KCNJ6: variants seen among roughly 807,000 people sequenced by gnomAD.
KCNJ6 encodes the protein G protein-activated inward rectifier potassium channel 2.
Under a neutral mutation model 34.2 loss-of-function variants are expected in KCNJ6, and 9 were observed. That is an observed-to-expected ratio of 0.26 (90% CI 0.16 to 0.46). The LOEUF (loss-of-function observed/expected upper bound fraction) is 0.46, where lower values mean the gene tolerates loss of function less well. Among genes scored for constraint, KCNJ6 ranks in the 20% least tolerant of loss-of-function variants. KCNJ6 has a pLI of 1.00. For missense variants in KCNJ6, 236 were observed against 531.3 expected, an observed-to-expected ratio of 0.44 and a Z score of 5.46; for synonymous variants, 196 against 207.1, an observed-to-expected ratio of 0.95 and a Z score of 0.46.
At chr21:37,709,691 C>T (rs2054741077) in intron 3 of KCNJ6, among the ~76,000 whole-genome samples, 3 of 152,178 alleles carry the variant, frequency 2.0e-5, no homozygotes, top group Non-Finnish European at 4.4e-5. Flanking sequence ...GCTATTTGAC[C>T]TTAGCCAAGT....
At chr21:37,911,042 AATG>A (rs551416179) in intron 1 of KCNJ6, among the ~76,000 whole-genome samples, 3 of 151,746 alleles carry the variant, frequency 2.0e-5, no homozygotes, top group African/African-American at 7.3e-5. Flanking sequence ...CTCTTCTTTT[AATG>A]ATGAGACCGC....
intron 3 of KCNJ6, among the ~76,000 whole-genome samples, chr21:37,672,968 A>G (rs889015102): frequency 6.6e-6 from 1 of 152,244 alleles, no homozygotes; most frequent in Non-Finnish European, 1.5e-5. Context: ...TTGTAGAGAC[A>G]GAGTCTTGCT....
chr21:37,809,049 C>G (rs1378201751), intron 2 of KCNJ6, among the ~76,000 whole-genome samples: 1 of 152,220 alleles, frequency 6.6e-6, no homozygotes, highest in African/African-American at 2.4e-5. Flanking sequence ...GATTATACAT[C>G]ATGCTGCTAT....
At chr21:37,827,014 G>A (rs1300009458) in intron 2 of KCNJ6, among the ~76,000 whole-genome samples, 2 of 152,148 alleles carry the variant, frequency 1.3e-5, no homozygotes, top group East Asian at 3.9e-4. Context: ...AATAATTTTG[G>A]GAAGGAGATT....
chr21:37,700,272 C>A (rs139395620), intron 3 of KCNJ6, among the ~76,000 whole-genome samples: 1 of 152,048 alleles, frequency 6.6e-6, no homozygotes, highest in Non-Finnish European at 1.5e-5. Flanking sequence ...GATTTGTGGG[C>A]AGGAGTTATT....
At chr21:37,702,517 C>T (rs2054696838) in intron 3 of KCNJ6, among the ~76,000 whole-genome samples, 1 of 152,170 alleles carries the variant, frequency 6.6e-6, no homozygotes, top group Admixed American at 6.5e-5. Context: ...GCCGAACAGC[C>T]TCTAGAGGAC....
chr21:37,683,045 T>G (rs1200530617), intron 3 of KCNJ6, among the ~76,000 whole-genome samples: 1 of 152,246 alleles, frequency 6.6e-6, no homozygotes, highest in African/African-American at 2.4e-5. Flanking sequence ...AAATCCAGCT[T>G]GCTTCCATAC....
intron 3 of KCNJ6, among the ~76,000 whole-genome samples, chr21:37,662,231 G>A (rs540674972): frequency 6.6e-6 from 1 of 152,126 alleles, no homozygotes; most frequent in Non-Finnish European, 1.5e-5. Flanking sequence ...AGCATTAACT[G>A]TTTTTCTTGA....
chr21:37,610,318 A>G lies in KCNJ6; in HGVS notation c.*14841T>C, dbSNP rs2054238398. On this transcript the variant is annotated 3_prime_UTR_variant, in exon 4 of 4. Transcript: ENST00000609713. ...TTGCATGGAATGTTCATCAAGTTAG[A>G]CTGCATTCTGGGTCATAAAACATAC... is the stretch of plus-strand genomic sequence containing the variant. 1.3e-5 allele frequency: 2 copies of G among 152,214 alleles called. No individual in the cohort carries two copies. The highest frequency in any genetic ancestry group is 4.1e-4 in the South Asian group (2 of 4,826). The allele number at this position is 152,214 out of a possible 1,614,324, so 9.4% of individuals were successfully genotyped here. A position where few individuals can be genotyped will look rare whatever the true frequency, so the allele number is the denominator to read the frequency against.
intron 2 of KCNJ6, among the ~76,000 whole-genome samples, chr21:37,728,172 G>A (rs1465610276): frequency 2.0e-5 from 3 of 152,226 alleles, no homozygotes; most frequent in Non-Finnish European, 4.4e-5. Flanking sequence ...TGAAGCTTGA[G>A]GACATTATGC....
chr21:37,862,829 T>A (rs1425604174), intron 1 of KCNJ6, among the ~76,000 whole-genome samples: 1 of 152,212 alleles, frequency 6.6e-6, no homozygotes, highest in African/African-American at 2.4e-5. Flanking sequence ...TCTTGACTGA[T>A]GTGTGACATC....
At chr21:37,871,129 T>C (rs1269298888) in intron 1 of KCNJ6, among the ~76,000 whole-genome samples, 1 of 152,128 alleles carries the variant, frequency 6.6e-6, no homozygotes, top group Non-Finnish European at 1.5e-5. Flanking sequence ...GAGCTTAGTA[T>C]GGATGGAGGG....
At chr21:37,900,661 G>A (rs570047888) in intron 1 of KCNJ6, among the ~76,000 whole-genome samples, 48 of 152,290 alleles carry the variant, frequency 3.2e-4, no homozygotes, top group African/African-American at 1.1e-3. Context: ...GGCAATTCTG[G>A]GTGGATTTGA....
intron 1 of KCNJ6, among the ~76,000 whole-genome samples, chr21:37,859,848 T>C (rs2055586085): frequency 6.6e-6 from 1 of 152,216 alleles, no homozygotes; most frequent in African/African-American, 2.4e-5. Flanking sequence ...CTACCACTGA[T>C]ACTTTTGTCT....
At chr21:37,726,704 T>G (rs1228194514) in intron 2 of KCNJ6, among the ~76,000 whole-genome samples, 3 of 152,238 alleles carry the variant, frequency 2.0e-5, no homozygotes, top group African/African-American at 7.2e-5. Flanking sequence ...TCTCTTTTAA[T>G]TCTTCTATTT....
chr21:37,849,759 A>T (rs1450281409), intron 1 of KCNJ6, among the ~76,000 whole-genome samples: 3 of 152,188 alleles, frequency 2.0e-5, no homozygotes, highest in African/African-American at 4.8e-5. Flanking sequence ...CTGAGTGCCC[A>T]TCCCCTCTGC....
chr21:37,871,369 A>G (rs1361567653), intron 1 of KCNJ6, among the ~76,000 whole-genome samples: 1 of 152,174 alleles, frequency 6.6e-6, no homozygotes, highest in African/African-American at 2.4e-5. Context: ...CAAAACCTGG[A>G]CTTCGTGTTC....
At chr21:37,756,718 C>T (rs2055028554) in intron 2 of KCNJ6, among the ~76,000 whole-genome samples, 1 of 131,468 alleles carries the variant, frequency 7.6e-6, no homozygotes, top group Non-Finnish European at 1.6e-5. Context: ...GTGAGCACTC[C>T]CTCACAGATT....
At chr21:37,790,983 C>T (rs989696262) in intron 2 of KCNJ6, among the ~76,000 whole-genome samples, 3 of 152,208 alleles carry the variant, frequency 2.0e-5, no homozygotes, top group African/African-American at 4.8e-5. Flanking sequence ...AGCCAATTTA[C>T]GTTGTGATTT....
Sources: gnomAD v4.1 joint callset for allele counts (sites outside exome capture counted in the v4.1 genomes callset) on GRCh38, gnomAD v4.1.1 for gene constraint, MANE v1.5 for transcripts, NCBI Gene and HGNC (gene_info 2026-07-23, HGNC 2026-07-21) for gene names.